The following NIM1K variants were observed in gnomAD, a reference collection of about 807,000 sequenced individuals.
NIM1K encodes the protein serine/threonine-protein kinase NIM1.
In NIM1K, 35 loss-of-function variants were observed where a neutral mutation model predicts 37.1. The observed-to-expected ratio is 0.94, with a 90% CI of 0.72 to 1.25. NIM1K has a LOEUF of 1.25. Ranked by LOEUF, NIM1K falls within the 50% of genes most tolerant of loss-of-function variation. The probability of loss-of-function intolerance (pLI) is 0.00; values close to 1 mark genes in which losing one functional copy is unlikely to be tolerated. For synonymous variants in NIM1K, 234 were observed against 206.6 expected (o/e 1.13, Z -1.14); for missense variants, 564 against 548.0 (o/e 1.03, Z -0.29).
chr5:43,236,637 C>T (rs1397959502), intron 1 of NIM1K, among the ~76,000 whole-genome samples: 2 of 152,318 alleles, frequency 1.3e-5, no homozygotes, highest in East Asian at 1.9e-4. Context: ...TGGTCACTGA[C>T]GTAGAACTCC....
At chr5:43,240,073 C>CT (rs1278783454) in intron 1 of NIM1K, among the ~76,000 whole-genome samples, 2 of 151,756 alleles carry the variant, frequency 1.3e-5, no homozygotes, top group African/African-American at 2.4e-5. Context: ...TTTTTCTTTT[C>CT]TTTTTTTCTT....
intron 2 of NIM1K, among the ~76,000 whole-genome samples, chr5:43,270,335 G>A (rs1345345419): frequency 6.6e-6 from 1 of 152,170 alleles, no homozygotes; most frequent in African/African-American, 2.4e-5. Flanking sequence ...GTATATGAGA[G>A]TAGATGGAAT....
At chr5:43,218,932 C>T (rs1159141976) in intron 1 of NIM1K, among the ~76,000 whole-genome samples, 1 of 151,974 alleles carries the variant, frequency 6.6e-6, no homozygotes, top group East Asian at 1.9e-4. Context: ...TTCCATAATC[C>T]CCATGTGTCA....
At chr5:43,275,373 C>A (rs114874176) in intron 2 of NIM1K, among the ~76,000 whole-genome samples, 129 of 152,274 alleles carry the variant, frequency 8.5e-4, no homozygotes, top group African/African-American at 2.2e-3. Flanking sequence ...ATCACAGAAG[C>A]CTTTTTACAC....
In NIM1K at chr5:43,280,044, G is replaced by C; in HGVS notation, c.626G>C (p.Cys209Ser). ...AENVFYTSNT[C>S]VKVGDFGFST... ...AATGTATTCTATACCAGTAATACTT[G>C]TGTGAAGGTGGGCGATTTTGGATTC... The change falls in exon 4 of 4, where the codon TGT (cysteine) becomes TCT (serine). Residue 209 changes from cysteine (C) to serine (S), a missense_variant. Transcript: ENST00000326035. 1 of 1,614,108 alleles carries C rather than the reference G, an allele frequency of 6.2e-7. No homozygotes were observed. Among genetic ancestry groups the C allele is most frequent in the Non-Finnish European group, 8.5e-7 (1 of 1,179,962 alleles).
At chr5:43,219,590 A>G (rs1475560437) in intron 1 of NIM1K, among the ~76,000 whole-genome samples, 1 of 152,180 alleles carries the variant, frequency 6.6e-6, no homozygotes, top group Non-Finnish European at 1.5e-5. Context: ...TATCCAAATG[A>G]TATCAGGTGA....
chr5:43,222,910 G>A (rs946914152), intron 1 of NIM1K, among the ~76,000 whole-genome samples: 1 of 152,008 alleles, frequency 6.6e-6, no homozygotes, highest in African/African-American at 2.4e-5. Context: ...GGAGGCCGAG[G>A]TGGGCAGATC....
At chr5:43,240,285 G>A (rs2112255502) in intron 1 of NIM1K, 1 of 151,594 alleles carries the variant, frequency 6.6e-6, no homozygotes, top group South Asian at 2.1e-4. Context: ...GTGTTGCCTA[G>A]GCTGGTCTTG....
intron 2 of NIM1K, among the ~76,000 whole-genome samples, chr5:43,248,297 A>T (rs1055882505): frequency 6.6e-6 from 1 of 152,228 alleles, no homozygotes; most frequent in Non-Finnish European, 1.5e-5. Context: ...TGGCTGAATC[A>T]TAGGGGACTT....
chr5:43,246,188 C>G, intron 2 of NIM1K, 121 bp downstream of exon 2: 1 of 770,190 alleles, frequency 1.3e-6, no homozygotes, highest in Admixed American at 3.0e-5. Flanking sequence ...CTGCAAGGCC[C>G]ACATCCTGTG....
At chr5:43,227,345 C>A (rs112571376) in intron 1 of NIM1K, among the ~76,000 whole-genome samples, 2 of 151,536 alleles carry the variant, frequency 1.3e-5, no homozygotes, top group African/African-American at 2.4e-5. Context: ...GGAGACAGAG[C>A]GAGACTCCGT....
At chr5:43,266,821 A>G (rs1753170122) in intron 2 of NIM1K, among the ~76,000 whole-genome samples, 1 of 152,066 alleles carries the variant, frequency 6.6e-6, no homozygotes, top group Admixed American at 6.5e-5. Context: ...ATGATGTATT[A>G]TGTTTTTGAT....
chr5:43,224,852 C>T (rs1752431078), intron 1 of NIM1K, among the ~76,000 whole-genome samples: 1 of 152,098 alleles, frequency 6.6e-6, no homozygotes, highest in African/African-American at 2.4e-5. Flanking sequence ...TCCACCATCA[C>T]ACCCAGCTAA....
intron 2 of NIM1K, among the ~76,000 whole-genome samples, chr5:43,261,938 A>T (rs1364629479): frequency 4.6e-5 from 7 of 152,038 alleles, no homozygotes; most frequent in African/African-American, 1.7e-4. Flanking sequence ...GTATTATTTC[A>T]GAGGGCTCCG....
intron 1 of NIM1K, chr5:43,206,957 G>C (rs767527610): frequency 2.1e-5 from 16 of 762,324 alleles, no homozygotes; most frequent in Non-Finnish European, 3.7e-5. Context: ...AGGCAAAGAA[G>C]AGATCGACGG....
At chr5:43,194,572 C>A (rs559964975) in intron 1 of NIM1K, among the ~76,000 whole-genome samples, 15 of 152,132 alleles carry the variant, frequency 9.9e-5, no homozygotes, top group African/African-American at 2.9e-4. Flanking sequence ...CTTGGTTTAA[C>A]CCTAGGTTTT....
chr5:43,204,869 G>A lies in NIM1K; in HGVS notation c.-695+12458G>A, dbSNP rs1275036606. Among the ~76,000 whole-genome samples the A allele has an allele frequency of 3.3e-5, 5 of 152,064 alleles. No homozygotes were observed. In the East Asian group the frequency reaches 5.8e-4, roughly 18 times the overall value. On this transcript the variant is annotated intron_variant, in intron 1 of 3. Coordinates refer to ENST00000326035, the MANE Select transcript of NIM1K (RefSeq NM_153361.4). ...AATTTAGCTGGGTGAGGTGGCGCTC[G>A]CCTGTAGTCCCAGCTACTTGGGAGA...
At chr5:43,206,583 A>G (rs1376390044) in intron 1 of NIM1K, 1 of 568,364 alleles carries the variant, frequency 1.8e-6, no homozygotes, top group Admixed American at 3.0e-5. Context: ...TGAAGGCTGA[A>G]TAAGAAACGA....
chr5:43,232,123 A>G, intron 1 of NIM1K: 1 of 1,039,542 alleles, frequency 9.6e-7, no homozygotes, highest in Non-Finnish European at 1.5e-6. Context: ...CCTTGAAGCC[A>G]GGGGGCACCA....
Sources: gnomAD v4.1 joint callset for allele counts (sites outside exome capture counted in the v4.1 genomes callset) on GRCh38, gnomAD v4.1.1 for gene constraint, MANE v1.5 for transcripts, NCBI Gene and HGNC (gene_info 2026-07-23, HGNC 2026-07-21) for gene names.